Variants in EML6 observed in about 807,000 individuals in gnomAD.
EML6 encodes EMAP like 6.
A neutral mutation model predicts 240.1 loss-of-function variants in EML6; 154 were observed. That is an observed-to-expected ratio of 0.64 (90% CI 0.56 to 0.73). EML6 has a LOEUF of 0.73. Among genes scored for constraint, EML6 ranks in the 30% least tolerant of loss-of-function variants. The probability of loss-of-function intolerance (pLI) is 0.00; values close to 1 mark genes in which losing one functional copy is unlikely to be tolerated. For missense variants in EML6, 2,964 were observed against 2,474.6 expected, an observed-to-expected ratio of 1.20 and a Z score of -4.20; for synonymous variants, 1,148 against 899.0, an observed-to-expected ratio of 1.28 and a Z score of -4.95.
chr2:54,961,695 C>G (rs1434590839), intron 35 of EML6, among the ~76,000 whole-genome samples: 1 of 151,824 alleles, frequency 6.6e-6, no homozygotes, highest in Admixed American at 6.6e-5. Flanking sequence ...TAAGAATGGA[C>G]AGTTTGTTGT....
chr2:54,840,238 A>G (rs553857747), intron 7 of EML6, among the ~76,000 whole-genome samples: 5 of 152,240 alleles, frequency 3.3e-5, no homozygotes, highest in Non-Finnish European at 7.3e-5. Context: ...TGGTGTGTTC[A>G]TGCTTACAGT....
At chr2:54,806,161 A>G (rs1299838850) in intron 2 of EML6, among the ~76,000 whole-genome samples, 1 of 152,098 alleles carries the variant, frequency 6.6e-6, no homozygotes, top group Non-Finnish European at 1.5e-5. Flanking sequence ...ATATGTCTAT[A>G]TTTTAGATCT....
intron 7 of EML6, among the ~76,000 whole-genome samples, chr2:54,836,318 A>G (rs1251194117): frequency 1.3e-5 from 2 of 152,118 alleles, no homozygotes; most frequent in Admixed American, 1.3e-4. Context: ...GGGCTTGGCT[A>G]TGTGTTCTCA....
chr2:54,831,911 CT>C (rs1470020501), intron 7 of EML6, among the ~76,000 whole-genome samples: 1 of 152,170 alleles, frequency 6.6e-6, no homozygotes, highest in Admixed American at 6.5e-5. Context: ...GACCAGTACT[CT>C]TAATTGCTTA....
Position 54,968,726 on chromosome 2 carries a change from A to G in EML6, c.5810A>G (p.Tyr1937Cys), listed in dbSNP as rs1413428600. The change falls in exon 41 of 42, where the codon TAT becomes TGT. Residue 1937 changes from tyrosine (Y) to cysteine (C), a missense_variant. Coordinates refer to ENST00000356458, the MANE Select transcript of EML6 (RefSeq NM_001039753.4). ...SAHVTNIRFS[Y>C]DDKYVVSTGG... ...CACGTGACGAACATCCGTTTCTCTT[A>G]TGATGACAAGTATGTGGTCAGCACT... The G allele has an allele frequency of 1.3e-6, 2 of 1,551,114 alleles. No homozygotes were observed. The highest frequency in any genetic ancestry group is 1.4e-5 in the African/African-American group (1 of 73,032).
chr2:54,847,958 G>A (rs1296872329), intron 9 of EML6, among the ~76,000 whole-genome samples: 1 of 152,208 alleles, frequency 6.6e-6, no homozygotes, highest in African/African-American at 2.4e-5. Flanking sequence ...CCCCACTGGG[G>A]ATGTTACATG....
chr2:54,765,999 T>C (rs539842336), intron 2 of EML6, among the ~76,000 whole-genome samples: 1 of 152,266 alleles, frequency 6.6e-6, no homozygotes, highest in African/African-American at 2.4e-5. Flanking sequence ...TTCTCTCTCT[T>C]ATTCTCTCTC....
intron 2 of EML6, among the ~76,000 whole-genome samples, chr2:54,797,264 A>C (rs747218696): frequency 6.6e-6 from 1 of 150,908 alleles, no homozygotes; most frequent in African/African-American, 2.4e-5. Flanking sequence ...TTGAGGATGG[A>C]TGCTGCTGGT....
intron 2 of EML6, among the ~76,000 whole-genome samples, chr2:54,808,100 A>G (rs1032429502): frequency 4.6e-5 from 7 of 152,286 alleles, no homozygotes; most frequent in East Asian, 1.9e-4. Flanking sequence ...GAAAATGGCA[A>G]TGAATTTTGC....
At chr2:54,898,898 G>A (rs192767105) in intron 21 of EML6, among the ~76,000 whole-genome samples, 13 of 152,210 alleles carry the variant, frequency 8.5e-5, no homozygotes, top group Middle Eastern at 3.4e-3. Flanking sequence ...TTAAGTGTTC[G>A]TTATAAAAAA....
chr2:54,853,271 T>A (rs1373654476), intron 10 of EML6, among the ~76,000 whole-genome samples: 1 of 152,222 alleles, frequency 6.6e-6, no homozygotes, highest in African/African-American at 2.4e-5. Flanking sequence ...TGTATCAAGG[T>A]AATTAAGTAA....
intron 28 of EML6, among the ~76,000 whole-genome samples, chr2:54,943,111 T>C (rs1037854871): frequency 1.3e-5 from 2 of 152,174 alleles, no homozygotes; most frequent in Non-Finnish European, 2.9e-5. Context: ...TCAGCAGTCA[T>C]CCAGGTTTCA....
intron 7 of EML6, among the ~76,000 whole-genome samples, chr2:54,830,665 GC>G (rs1431784459): frequency 6.6e-6 from 1 of 152,188 alleles, no homozygotes; most frequent in Admixed American, 6.5e-5. Context: ...GGAGAAAACA[GC>G]CTAGACGGCA....
intron 2 of EML6, among the ~76,000 whole-genome samples, chr2:54,808,418 T>C (rs890053868): frequency 6.6e-6 from 1 of 152,108 alleles, no homozygotes; most frequent in Non-Finnish European, 1.5e-5. Context: ...CAACCTAATT[T>C]TGATGTGCCT....
chr2:54,956,358 T>C (rs1676233409), intron 32 of EML6, among the ~76,000 whole-genome samples: 2 of 152,040 alleles, frequency 1.3e-5, no homozygotes. Flanking sequence ...TGGCTGCTTT[T>C]GTAATCTACC....
At chr2:54,727,301 A>C (rs1682955163) in intron 2 of EML6, among the ~76,000 whole-genome samples, 1 of 143,238 alleles carries the variant, frequency 7.0e-6, no homozygotes, top group Non-Finnish European at 1.5e-5. Context: ...GTTGGGTCAG[A>C]GTATGTATAG....
intron 3 of EML6, among the ~76,000 whole-genome samples, chr2:54,814,567 T>A (rs1668000117): frequency 1.3e-5 from 2 of 152,332 alleles, no homozygotes; most frequent in Non-Finnish European, 2.9e-5. Context: ...TGTTTCTGCC[T>A]GTTAATTCCT....
intron 2 of EML6, among the ~76,000 whole-genome samples, chr2:54,777,180 T>C (rs1342612799): frequency 6.6e-6 from 1 of 152,110 alleles, no homozygotes; most frequent in Non-Finnish European, 1.5e-5. Context: ...CTGCTAGCCC[T>C]GAAAATGAAT....
intron 10 of EML6, 21 bp from the exon 11 acceptor site, chr2:54,853,622 G>T: frequency 5.0e-6 from 7 of 1,411,764 alleles, no homozygotes; most frequent in Non-Finnish European, 6.7e-6. Flanking sequence ...TAAATGTAAT[G>T]TTAATATTGA....
Sources: allele counts gnomAD v4.1 joint callset (sites outside exome capture counted in the v4.1 genomes callset), GRCh38; gene constraint gnomAD v4.1.1; transcripts MANE v1.5; gene names NCBI Gene and HGNC (gene_info 2026-07-23, HGNC 2026-07-21).